The following LETM2 variants were observed in gnomAD, a reference collection of about 807,000 sequenced individuals.
The protein encoded by LETM2 is leucine zipper and EF-hand containing transmembrane protein 2.
In LETM2, 58 loss-of-function variants were observed where a neutral mutation model predicts 59.6. The ratio of observed to expected loss-of-function variants is 0.97; its 90% CI spans 0.79 to 1.21. The LOEUF (loss-of-function observed/expected upper bound fraction) is 1.21. Among genes scored for constraint, LETM2 ranks in the 50% most tolerant of loss-of-function variants. The pLI, the probability that LETM2 is intolerant of heterozygous loss-of-function variation, is 0.00. For missense variants in LETM2, 572 were observed against 575.7 expected, an observed-to-expected ratio of 0.99 and a Z score of 0.07; for synonymous variants, 199 against 214.1, an observed-to-expected ratio of 0.93 and a Z score of 0.62.
chr8:38,390,374 C>G (rs568583242), intron 2 of LETM2, among the ~76,000 whole-genome samples: 2 of 151,826 alleles, frequency 1.3e-5, no homozygotes, highest in Admixed American at 1.3e-4. Context: ...GTAATCCCAG[C>G]ACTTTGGGAG....
At position 38,408,624 on chromosome 8, in the gene LETM2, T is replaced by C. The variant is rs1325060459; in HGVS notation, c.*350T>C. On this transcript the variant is annotated 3_prime_UTR_variant, in exon 11 of 11. Transcript: ENST00000379957. The stretch of plus-strand genomic sequence containing the variant: ...AATGGAATCAGCTTGGCACCTTAGA[T>C]ACCTGTCTCCTATGGCTTGGAATTC... 6 of 187,992 alleles carry C rather than the reference T, an allele frequency of 3.2e-5. No homozygotes were observed. Among genetic ancestry groups the C allele is most frequent in the Non-Finnish European group, 6.7e-5 (6 of 89,202 alleles). The allele number at this position is 187,992 out of a possible 1,614,324, so 11.6% of individuals were successfully genotyped here. A position where few individuals can be genotyped will look rare whatever the true frequency, so the allele number is the denominator to read the frequency against.
chr8:38,408,595 G>A lies in LETM2; in HGVS notation c.*321G>A, dbSNP rs908091893. ...CGTCCCTTCAGAGAGGAAATTTTTT[G>A]CACAATGGAATCAGCTTGGCACCTT... On this transcript the variant is annotated 3_prime_UTR_variant, in exon 11 of 11. Transcript: ENST00000379957. 3 of 212,078 alleles carry A rather than the reference G, an allele frequency of 1.4e-5. No homozygotes were observed. Among genetic ancestry groups the A allele is most frequent in the Admixed American group, 5.6e-5 (1 of 18,008 alleles). The allele number at this position is 212,078 out of a possible 1,614,324, so 13.1% of individuals were successfully genotyped here.
chr8:38,390,649 C>T (rs1469693456), intron 2 of LETM2, among the ~76,000 whole-genome samples: 2 of 145,808 alleles, frequency 1.4e-5, no homozygotes, highest in South Asian at 4.3e-4. Flanking sequence ...AAAAAAGAAC[C>T]AAGACAAATT....
chr8:38,391,478 T>G (rs1233186016), intron 2 of LETM2, among the ~76,000 whole-genome samples: 2 of 151,322 alleles, frequency 1.3e-5, no homozygotes, highest in Non-Finnish European at 2.9e-5. Flanking sequence ...AATTTTTGTA[T>G]TTTTAGTAGA....
rs1010083997 is a variant in LETM2 at position 38,404,196 on chromosome 8, G to C, written c.1105-197G>C. On this transcript the variant is annotated intron_variant, in intron 7 of 10. Coordinates refer to ENST00000379957, the MANE Select transcript of LETM2 (RefSeq NM_001286819.2). The stretch of plus-strand genomic sequence containing the variant: ...TGAGAGTGATTCCACCATAGTGAGG[G>C]AGGCTGTAGGGTGCCCCCTCAGTGC... The C allele has an allele frequency of 9.5e-6, 5 of 527,388 alleles. 1 individual carries two copies. In the Admixed American group the frequency reaches 1.7e-4, roughly 18 times the overall value. The allele number at this position is 527,388 out of a possible 1,614,324, so 32.7% of individuals were successfully genotyped here.
intron 4 of LETM2, among the ~76,000 whole-genome samples, chr8:38,396,168 A>G (rs116922206): frequency 1.1e-5 from 1 of 89,276 alleles, no homozygotes; most frequent in African/African-American, 4.1e-5. Flanking sequence ...TTATTTATTT[A>G]TTTTTTTTTT....
At chr8:38,407,149 G>A in intron 9 of LETM2, 111 bp downstream of exon 9, 1 of 741,656 alleles carries the variant, frequency 1.3e-6, no homozygotes, top group Non-Finnish European at 2.3e-6. Context: ...ATACAATAAT[G>A]TTCCTTAATA....
intron 8 of LETM2, among the ~76,000 whole-genome samples, chr8:38,405,206 G>A (rs1813619516): frequency 6.6e-6 from 1 of 152,050 alleles, no homozygotes. Context: ...ATTCCTATTA[G>A]TCTTTAAGCA....
chr8:38,395,893 C>A (rs1812646449), intron 4 of LETM2, among the ~76,000 whole-genome samples: 1 of 152,088 alleles, frequency 6.6e-6, no homozygotes, highest in African/African-American at 2.4e-5. Context: ...GGGTAAAAGT[C>A]CTTTATCAGA....
chr8:38,404,628 C>T, intron 8 of LETM2, 122 bp downstream of exon 8: 1 of 669,816 alleles, frequency 1.5e-6, no homozygotes, highest in East Asian at 2.7e-5. Flanking sequence ...TTTGACCCAA[C>T]TGGCTTTATG....
chr8:38,404,117 C>G (rs1424360107), intron 7 of LETM2, among the ~76,000 whole-genome samples: 1 of 152,226 alleles, frequency 6.6e-6, no homozygotes, highest in African/African-American at 2.4e-5. Flanking sequence ...ACAGAAGATA[C>G]TTGACTACTT....
At position 38,392,560 on chromosome 8, in the gene LETM2, C is replaced by A. The variant is rs538687874; in HGVS notation, c.66C>A (p.Val22=). The A allele has an allele frequency of 7.5e-6, 12 of 1,608,816 alleles. No homozygotes were observed. In the African/African-American group the frequency reaches 1.6e-4, roughly 21 times the overall value. The change falls in exon 3 of 11, where the codon GTC becomes GTA. Residue 22 remains valine, a synonymous_variant. Coordinates refer to ENST00000379957, the MANE Select transcript of LETM2 (RefSeq NM_001286819.2). ...ATTCCAGATTCCCTAGCCATTTTGT[C>A]CATCCTACCTGCTCTTCTTATTCCC... ...IARTRFPSHF[V]HPTCSSYSPS...
chr8:38,407,046 A>G lies in LETM2; in HGVS notation c.1311+8A>G, dbSNP rs1813780600. The G allele has an allele frequency of 1.3e-6, 2 of 1,551,902 alleles. No individual in the cohort carries two copies. Among genetic ancestry groups the G allele is most frequent in the Admixed American group, 1.7e-5 (1 of 58,392 alleles). ...CAACTGAAGGGAACTAAGGTTAGAC[A>G]GTTACTTTCCATTTGGTTAATTAGA... On this transcript the variant is annotated splice_region_variant and intron_variant, in intron 9 of 10. Coordinates refer to ENST00000379957, the MANE Select transcript of LETM2 (RefSeq NM_001286819.2).
In LETM2 at chr8:38,392,559, T is replaced by A; in HGVS notation, c.65T>A (p.Val22Asp). Residue 22 changes from valine to aspartate, a missense_variant, in exon 3 of 11, where the codon GTC becomes GAC. Val to Asp is a radical substitution (Grantham distance 152). Coordinates refer to ENST00000379957, the MANE Select transcript of LETM2 (RefSeq NM_001286819.2). ...TATTCCAGATTCCCTAGCCATTTTGTCCATCCTACCTGCTCTTCTTATTCC... is the reference window on the plus strand; with the variant it reads ...TATTCCAGATTCCCTAGCCATTTTGACCATCCTACCTGCTCTTCTTATTCC... ...IARTRFPSHF[V>D]HPTCSSYSPS... The A allele has an allele frequency of 1.2e-6, 2 of 1,609,224 alleles. No individual in the cohort carries two copies. Among genetic ancestry groups the A allele is most frequent in the South Asian group, 2.2e-5 (2 of 90,988 alleles).
Position 38,400,994 on chromosome 8 carries a change from A to G in LETM2, c.925A>G (p.Asn309Asp). ...GCTGGAATTGCAGACATTTGGAACC[A>G]ACAACCTGCTCCGCTTTCAGCTCCT... ...KLLELQTFGT[N>D]NLLRFQLLMK... Residue 309 changes from asparagine (N) to aspartate (D), a missense_variant, in exon 6 of 11, where the codon AAC becomes GAC. Coordinates refer to ENST00000379957, the MANE Select transcript of LETM2 (RefSeq NM_001286819.2). 2 of 1,614,154 alleles carry G rather than the reference A, an allele frequency of 1.2e-6. No individual in the cohort carries two copies. Among genetic ancestry groups the G allele is most frequent in the Non-Finnish European group, 1.7e-6 (2 of 1,180,020 alleles).
rs545309046 is a variant in LETM2 at position 38,393,983 on chromosome 8, T to C, written c.502-115T>C. The C allele has an allele frequency of 7.1e-5, 62 of 867,378 alleles. No individual in the cohort carries two copies. In the South Asian group the frequency reaches 1.1e-3, roughly 15 times the overall value. The allele number at this position is 867,378 out of a possible 1,614,324, so 53.7% of individuals were successfully genotyped here. A position where few individuals can be genotyped will look rare whatever the true frequency, so the allele number is the denominator to read the frequency against. On this transcript the variant is annotated intron_variant, in intron 3 of 10. Transcript: ENST00000379957. ...CAGACTGGGCAACATAGTGAGACAC[T>C]ATCTCTTGAAAGAAAGAAAATGAAA... is the stretch of plus-strand genomic sequence containing the variant.
rs1333039267 is a variant in LETM2, at chr8:38,392,618, C to T, written c.124C>T (p.His42Tyr). Reference sequence around the variant, plus strand: ...TGCATTTCTTCACTTGCCAGATTCCCATTTAAATAAGACATGTATGAAGAA... The same window carrying T: ...TGCATTTCTTCACTTGCCAGATTCCTATTTAAATAAGACATGTATGAAGAA... ...SCAFLHLPDS[H>Y]LNKTCMKNYE... The change falls in exon 3 of 11, where the codon CAT becomes TAT. Residue 42 changes from histidine to tyrosine, a missense_variant. Coordinates refer to ENST00000379957, the MANE Select transcript of LETM2 (RefSeq NM_001286819.2). 3.7e-6 allele frequency: 6 copies of T among 1,613,708 alleles called. No individual in the cohort carries two copies. The Admixed American group carries it at 8.3e-5, about 22-fold the overall frequency.
chr8:38,406,231 G>A (rs1813704893), intron 8 of LETM2, among the ~76,000 whole-genome samples: 1 of 152,086 alleles, frequency 6.6e-6, no homozygotes. Flanking sequence ...TAGTAAATCA[G>A]GCAATTTTAT....
chr8:38,396,195 G>A lies in LETM2; in HGVS notation c.645+1954G>A, dbSNP rs1375554826. Among the ~76,000 whole-genome samples the A allele has an allele frequency of 2.0e-5, 3 of 149,286 alleles. No individual in the cohort carries two copies. The South Asian group carries it at 6.3e-4, about 32-fold the overall frequency. ...TTTTTTTTTTTTGAGATGGAGCCTCGCTCTGTCGCCCAGGCTGGAGTGCAA... is the reference window on the plus strand; with the variant it reads ...TTTTTTTTTTTTGAGATGGAGCCTCACTCTGTCGCCCAGGCTGGAGTGCAA... On this transcript the variant is annotated intron_variant, in intron 4 of 10. Transcript: ENST00000379957.
Sources: allele counts gnomAD v4.1 joint callset (sites outside exome capture counted in the v4.1 genomes callset), GRCh38; gene constraint gnomAD v4.1.1; transcripts MANE v1.5; gene names NCBI Gene and HGNC (gene_info 2026-07-23, HGNC 2026-07-21).